SHANK2: variants seen among roughly 807,000 people sequenced by gnomAD.
The protein encoded by SHANK2 is SH3 and multiple ankyrin repeat domains 2.
In SHANK2, 43 loss-of-function variants were observed where a neutral mutation model predicts 133.7. The ratio of observed to expected loss-of-function variants is 0.32; its 90% CI spans 0.25 to 0.41. The LOEUF (loss-of-function observed/expected upper bound fraction) is 0.41. SHANK2 is among the 10% of genes least tolerant of loss of function. The pLI is 1.00. For synonymous variants in SHANK2, 1,017 were observed against 952.8 expected, an observed-to-expected ratio of 1.07 and a Z score of -1.24; for missense variants, 1,994 against 2,235.8, an observed-to-expected ratio of 0.89 and a Z score of 2.18.
chr11:70,630,888 G>A (rs1157634547), intron 17 of SHANK2, among the ~76,000 whole-genome samples: 2 of 152,226 alleles, frequency 1.3e-5, no homozygotes, highest in Non-Finnish European at 2.9e-5. Flanking sequence ...CCAGCACAAA[G>A]GGTGAGCATG....
chr11:71,158,665 C>A (rs141681276), intron 2 of SHANK2, among the ~76,000 whole-genome samples: 1 of 152,200 alleles, frequency 6.6e-6, no homozygotes, highest in African/African-American at 2.4e-5. Flanking sequence ...ACCAAGATAA[C>A]TCTGGAGACT....
chr11:70,740,642 C>T (rs1226316868), intron 14 of SHANK2, among the ~76,000 whole-genome samples: 9 of 152,152 alleles, frequency 5.9e-5, no homozygotes, highest in Admixed American at 2.0e-4. Flanking sequence ...TCAGTCAGCC[C>T]AAGTTTATTT....
intron 17 of SHANK2, among the ~76,000 whole-genome samples, chr11:70,527,841 G>A (rs1554972429): frequency 1.3e-5 from 2 of 152,238 alleles, no homozygotes; most frequent in Non-Finnish European, 2.9e-5. Context: ...CAGGGCAAAG[G>A]GCAGAGAGGA....
intron 17 of SHANK2, among the ~76,000 whole-genome samples, chr11:70,620,782 T>TCA (rs1429597829): frequency 3.7e-4 from 57 of 152,252 alleles, no homozygotes; most frequent in Admixed American, 3.4e-3. Context: ...GGTGGCACTT[T>TCA]CACACACACT....
chr11:70,672,060 C>CTT lies in SHANK2; in HGVS notation c.1854-10384_1854-10383dup, dbSNP rs201865483. ...CAGATCCCCACCATACTTTTCTTTT[C>CTT]TTTTTCTTTTTTTTTTTTTTTTAGA... is the stretch of plus-strand genomic sequence containing the variant. On this transcript the variant is annotated intron_variant, in intron 15 of 25. Coordinates refer to ENST00000601538, the MANE Select transcript of SHANK2 (RefSeq NM_012309.5). Among the ~76,000 whole-genome samples the CTT allele has an allele frequency of 3.9e-3, 474 of 120,948 alleles. 7 individuals carry two copies. Among genetic ancestry groups the CTT allele is most frequent in the African/African-American group, 0.013 (427 of 33,142 alleles). 79.3% of individuals were successfully genotyped at this position (120,948 alleles called of 152,430 possible).
rs1392507676 is a variant in SHANK2, at chr11:70,804,965, T to G, written c.1663+2037A>C. 6.6e-6 allele frequency among the ~76,000 whole-genome samples: 1 copy of G among 152,144 alleles called. No homozygotes were observed. ...AGTGCCCACTCCCATGGGCCTCTGC[T>G]CTATGTCTAAGGGACTGGGGACATG... On this transcript the variant is annotated intron_variant, in intron 13 of 25. Transcript: ENST00000601538. This position sits in a 1 kb window ranked among gnomAD's most constrained non-coding sequence, Gnocchi z 4.1.
At position 70,948,889 on chromosome 11, in the gene SHANK2, A is replaced by T. The variant is rs113099518; in HGVS notation, c.1108-52322T>A. 2.2e-4 allele frequency among the ~76,000 whole-genome samples: 33 copies of T among 152,342 alleles called. No individual in the cohort carries two copies. The East Asian group carries it at 5.8e-3, about 27-fold the overall frequency. On this transcript the variant is annotated intron_variant, in intron 10 of 25. Transcript: ENST00000601538. ...CAATTTTTTTTAAATTAAAAAAATT[A>T]AATTTTAACATCTGGGCAGGTTACA...
chr11:71,139,191 T>A lies in SHANK2; in HGVS notation c.207+7929A>T, dbSNP rs181858512. 2.3e-4 allele frequency among the ~76,000 whole-genome samples: 35 copies of A among 152,240 alleles called. No individual in the cohort carries two copies. In the East Asian group the frequency reaches 6.2e-3, roughly 27 times the overall value. On this transcript the variant is annotated intron_variant, in intron 3 of 25. Coordinates refer to ENST00000601538, the MANE Select transcript of SHANK2 (RefSeq NM_012309.5). ...TGGGCCAGGTCGCAAGGATCAGCCC[T>A]CAGAGTGACAGCTTCAGCTGAGCTA...
chr11:70,572,415 C>T (rs1379008687), intron 17 of SHANK2, among the ~76,000 whole-genome samples: 2 of 152,226 alleles, frequency 1.3e-5, no homozygotes, highest in Non-Finnish European at 2.9e-5. Context: ...CTGTCTCGGC[C>T]TCCCAAAGTG....
intron 15 of SHANK2, among the ~76,000 whole-genome samples, chr11:70,693,978 T>C (rs542780190): frequency 4.3e-4 from 65 of 152,220 alleles, no homozygotes; most frequent in African/African-American, 1.5e-3. Flanking sequence ...AGTGAGTGGA[T>C]GGCGGGAAGG....
At chr11:70,691,855 T>C (rs1423638403) in intron 15 of SHANK2, among the ~76,000 whole-genome samples, 1 of 152,068 alleles carries the variant, frequency 6.6e-6, no homozygotes, top group East Asian at 1.9e-4. Flanking sequence ...GAGCATGCCA[T>C]TGCACTCCAG....
chr11:71,128,102 G>T (rs1192226012), intron 3 of SHANK2, among the ~76,000 whole-genome samples: 3 of 152,218 alleles, frequency 2.0e-5, no homozygotes, highest in African/African-American at 7.2e-5. Context: ...ACTGCCCACG[G>T]CCCTCAGGCC....
intron 12 of SHANK2, among the ~76,000 whole-genome samples, chr11:70,819,042 C>G (rs1173725634): frequency 6.6e-6 from 1 of 152,186 alleles, no homozygotes; most frequent in Non-Finnish European, 1.5e-5. Context: ...CTGCAAGACT[C>G]CCCGCAGCCA....
intron 14 of SHANK2, among the ~76,000 whole-genome samples, chr11:70,719,620 T>C (rs1302428392): frequency 6.6e-6 from 1 of 151,484 alleles, no homozygotes; most frequent in African/African-American, 2.4e-5. Flanking sequence ...AATCGGAGGG[T>C]CATAAAAATA....
rs1565516956 is a variant in SHANK2 at position 70,473,180 on chromosome 11, G to T, written c.5239C>A (p.Pro1747Thr). The T allele has an allele frequency of 1.2e-6, 2 of 1,613,440 alleles. No individual in the cohort carries two copies. Among genetic ancestry groups the T allele is most frequent in the African/African-American group, 1.3e-5 (1 of 74,944 alleles). The change falls in exon 26 of 26, where the codon CCC becomes ACC. Residue 1747 changes from proline to threonine, a missense_variant. Pro to Thr is a conservative substitution (Grantham distance 38, BLOSUM62 -1). Transcript: ENST00000601538. This position sits in a 1 kb window ranked among gnomAD's most constrained non-coding sequence, Gnocchi z 5.9. ...AAGCCAAATAGATCCCCAGAAGGGGGCTGGCTTGGAAGGCTAAAGACATCT... is the reference window on the plus strand; with the variant it reads ...AAGCCAAATAGATCCCCAGAAGGGGTCTGGCTTGGAAGGCTAAAGACATCT... ...LSDVFSLPSQ[P>T]PSGDLFGLNP...
chr11:70,534,043 T>C (rs544693102), intron 17 of SHANK2, among the ~76,000 whole-genome samples: 2 of 152,324 alleles, frequency 1.3e-5, no homozygotes, highest in Admixed American at 1.3e-4. Flanking sequence ...CCAGTGTCTC[T>C]TGGTGAAGGA....
At chr11:71,155,405 T>C (rs1590968850) in intron 2 of SHANK2, among the ~76,000 whole-genome samples, 4 of 67,794 alleles carry the variant, frequency 5.9e-5, no homozygotes, top group Non-Finnish European at 8.7e-5. Flanking sequence ...CCGCCCACGC[T>C]CCCAGAAGAG....
At chr11:71,211,192 C>CTTTTTT in intron 2 of SHANK2, among the ~76,000 whole-genome samples, 1 of 101,988 alleles carries the variant, frequency 9.8e-6, no homozygotes, top group Non-Finnish European at 2.0e-5. Context: ...GGTCAATTTC[C>CTTTTTT]TTTTTTTTTT....
In SHANK2 at chr11:71,119,457, G is replaced by A. The variant is rs146178313; in HGVS notation, c.208-425C>T. ...TTGCTGGGCATGGTGGTGCGTGTCTGTAATCCCAGCTACTCTGGAGGCTGA... is the reference window on the plus strand; with the variant it reads ...TTGCTGGGCATGGTGGTGCGTGTCTATAATCCCAGCTACTCTGGAGGCTGA... On this transcript the variant is annotated intron_variant, in intron 3 of 25. Coordinates refer to ENST00000601538, the MANE Select transcript of SHANK2 (RefSeq NM_012309.5). Among the ~76,000 whole-genome samples the A allele has an allele frequency of 3.9e-5, 6 of 152,012 alleles. No homozygotes were observed. The East Asian group carries it at 1.2e-3, about 29-fold the overall frequency.
Sources: gnomAD v4.1 joint callset for allele counts (sites outside exome capture counted in the v4.1 genomes callset) on GRCh38, gnomAD v4.1.1 for gene constraint, Gnocchi (gnomAD v3.1) non-coding constraint, MANE v1.5 for transcripts, NCBI Gene and HGNC (gene_info 2026-07-23, HGNC 2026-07-21) for gene names.